The following CACNA1B variants were observed in gnomAD, a reference collection of about 807,000 sequenced individuals.
CACNA1B encodes voltage-dependent N-type calcium channel subunit alpha-1B.
A neutral mutation model predicts 247.2 loss-of-function variants in CACNA1B; 70 were observed. The observed-to-expected ratio is 0.28, with a 90% confidence interval of 0.23 to 0.35. The LOEUF (loss-of-function observed/expected upper bound fraction) is 0.35. Ranked by LOEUF, CACNA1B falls within the 10% of genes least tolerant of loss-of-function variation. The pLI, the probability that CACNA1B is intolerant of heterozygous loss-of-function variation, is 1.00. For missense variants in CACNA1B, 2,367 were observed against 3,197.4 expected (o/e 0.74, Z 6.26); for synonymous variants, 1,231 against 1,294.4 (o/e 0.95, Z 1.05).
At position 138,100,064 on chromosome 9, in the gene CACNA1B, A is replaced by G. The variant is rs940516457; in HGVS notation, c.5223-2647A>G. On this transcript the variant is annotated intron_variant, in intron 37 of 46. Transcript: ENST00000371372. This position sits in a 1 kb window ranked among gnomAD's most constrained non-coding sequence, Gnocchi z 4.6. ...GCTCAAGGCCAGGGCATTTCTGAGG[A>G]AGGAGAGGCCATGTCTGGCCTGAAG... is the stretch of plus-strand genomic sequence containing the variant. 5.9e-5 allele frequency among the ~76,000 whole-genome samples: 9 copies of G among 152,178 alleles called. No homozygotes were observed. The highest frequency in any genetic ancestry group is 1.3e-4 in the Non-Finnish European group (9 of 68,034).
chr9:138,089,666 A>C (rs533476848), intron 36 of CACNA1B, among the ~76,000 whole-genome samples: 1 of 152,336 alleles, frequency 6.6e-6, no homozygotes, highest in Non-Finnish European at 1.5e-5. Flanking sequence ...AAGAAAAAAA[A>C]TAAGCCGCAT....
chr9:138,060,521 C>T (rs1339204929), intron 31 of CACNA1B, among the ~76,000 whole-genome samples: 1 of 152,148 alleles, frequency 6.6e-6, no homozygotes, highest in Non-Finnish European at 1.5e-5. Flanking sequence ...CAGCGTAGGT[C>T]GCACCTCAGA....
At chr9:137,930,340 T>C (rs1957594946) in intron 6 of CACNA1B, among the ~76,000 whole-genome samples, 1 of 152,230 alleles carries the variant, frequency 6.6e-6, no homozygotes. Flanking sequence ...TGAAATTTCC[T>C]CTTTGACCTA....
At chr9:137,935,180 G>A (rs1399267404) in intron 6 of CACNA1B, among the ~76,000 whole-genome samples, 2 of 152,012 alleles carry the variant, frequency 1.3e-5, no homozygotes, top group Non-Finnish European at 2.9e-5. Context: ...GTATACCTGT[G>A]GCATGTTGGT....
At chr9:138,095,810 G>T (rs1364385291) in intron 36 of CACNA1B, among the ~76,000 whole-genome samples, 2 of 152,138 alleles carry the variant, frequency 1.3e-5, no homozygotes, top group African/African-American at 4.8e-5. Flanking sequence ...CTACAATATG[G>T]ATGAACCTTG....
At chr9:138,049,136 T>G in intron 23 of CACNA1B, 73 bp from the exon 24 acceptor site, 69 of 998,648 alleles carry the variant, frequency 6.9e-5, no homozygotes, top group Middle Eastern at 2.0e-4. Flanking sequence ...ATTACAGGCA[T>G]GAGCCTCTGC....
intron 31 of CACNA1B, among the ~76,000 whole-genome samples, chr9:138,068,292 G>A (rs10867102): frequency 0.12 from 17,658 of 152,140 alleles, 2,759 homozygotes; most frequent in African/African-American, 0.35. Flanking sequence ...TGATGGTGAT[G>A]TGCCGTTCGT....
At chr9:138,033,224 C>T (rs1052967281) in intron 20 of CACNA1B, among the ~76,000 whole-genome samples, 1 of 152,076 alleles carries the variant, frequency 6.6e-6, no homozygotes, top group Non-Finnish European at 1.5e-5. Context: ...CTGAAGTTTC[C>T]ATTTGGTTCG....
At chr9:137,997,991 G>A (rs945358645) in intron 15 of CACNA1B, among the ~76,000 whole-genome samples, 4 of 152,218 alleles carry the variant, frequency 2.6e-5, no homozygotes, top group African/African-American at 9.6e-5. Flanking sequence ...TACTATTTAA[G>A]GATGAACAAT....
At chr9:137,995,676 T>C (rs1001583934) in intron 15 of CACNA1B, among the ~76,000 whole-genome samples, 6 of 152,076 alleles carry the variant, frequency 3.9e-5, no homozygotes, top group African/African-American at 1.4e-4. Flanking sequence ...CAAAGATAAA[T>C]ATATGAGACT....
intron 12 of CACNA1B, among the ~76,000 whole-genome samples, chr9:137,982,658 A>G (rs1958307394): frequency 6.6e-6 from 1 of 152,212 alleles, no homozygotes; most frequent in Non-Finnish European, 1.5e-5. Context: ...TGGCAATGAG[A>G]AGAAAGTATA....
At chr9:137,988,067 T>C (rs1054969024) in intron 15 of CACNA1B, among the ~76,000 whole-genome samples, 1 of 152,224 alleles carries the variant, frequency 6.6e-6, no homozygotes, top group Admixed American at 6.5e-5. Context: ...CTTGAAAGCC[T>C]CGGCTGCTCA....
At chr9:138,117,305 AAGG>A (rs1255739339) in intron 42 of CACNA1B, among the ~76,000 whole-genome samples, 1 of 151,742 alleles carries the variant, frequency 6.6e-6, no homozygotes, top group Non-Finnish European at 1.5e-5. Context: ...TCAGAGAAGT[AAGG>A]AGGAGCCACC....
chr9:138,073,931 C>T lies in CACNA1B; in HGVS notation c.4792-70C>T. 7.8e-7 allele frequency: 1 copy of T among 1,275,206 alleles called. No individual in the cohort carries two copies. The highest frequency in any genetic ancestry group is 1.2e-5 in the South Asian group (1 of 84,426). The allele number at this position is 1,275,206 out of a possible 1,614,324, so 79.0% of individuals were successfully genotyped here. On this transcript the variant is annotated intron_variant, in intron 33 of 46. Coordinates refer to ENST00000371372, the MANE Select transcript of CACNA1B (RefSeq NM_000718.4). This position sits in a 1 kb window ranked among gnomAD's most constrained non-coding sequence, Gnocchi z 6.4. ...GGTCTGTGTGACCTCAAAGGCCCAG[C>T]CACCGTAGCAGGAGGCCTGGGCGTG...
At chr9:138,101,164 C>T (rs774675657) in intron 37 of CACNA1B, 2 of 533,094 alleles carry the variant, frequency 3.8e-6, no homozygotes, top group South Asian at 1.4e-5. Flanking sequence ...CACCCGTTGG[C>T]TTAGGGAAGA....
In CACNA1B at chr9:138,118,029, C is replaced by T; in HGVS notation, c.5861C>T (p.Pro1954Leu). The change falls in exon 43 of 47, where the codon CCC becomes CTC. Residue 1954 changes from proline (P) to leucine (L), a missense_variant. This residue lies in a region of CACNA1B where 773 missense variants were observed against 779.4 expected (regional missense o/e 0.99). Coordinates refer to ENST00000371372, the MANE Select transcript of CACNA1B (RefSeq NM_000718.4). ...TQDAPHEARP[P>L]LERGHSTEIP... ...GATGCACCCCATGAGGCCAGGCCAC[C>T]CCTGGAGCGTGGCCACTCCACAGAG... is the stretch of plus-strand genomic sequence containing the variant. 6.3e-7 allele frequency: 1 copy of T among 1,599,052 alleles called. No homozygotes were observed. The highest frequency in any genetic ancestry group is 8.5e-7 in the Non-Finnish European group (1 of 1,172,506).
At chr9:138,060,056 G>A (rs997216040) in intron 31 of CACNA1B, among the ~76,000 whole-genome samples, 4 of 152,164 alleles carry the variant, frequency 2.6e-5, no homozygotes, top group Non-Finnish European at 5.9e-5. Flanking sequence ...ATCTAACAAG[G>A]TGGTATCAAA....
chr9:138,001,729 G>A (rs942582968), intron 15 of CACNA1B, among the ~76,000 whole-genome samples: 1 of 151,970 alleles, frequency 6.6e-6, no homozygotes, highest in Admixed American at 6.5e-5. Flanking sequence ...TAGGATAAAT[G>A]TACAAAAATA....
In CACNA1B at chr9:137,882,371, C is replaced by T. The variant is rs913209514; in HGVS notation, c.391-373C>T. 3.9e-5 allele frequency among the ~76,000 whole-genome samples: 6 copies of T among 152,212 alleles called. No homozygotes were observed. The highest frequency in any genetic ancestry group is 3.9e-4 in the Admixed American group (6 of 15,282). ...ACCTGATAAGCACCCACAACTAGTA[C>T]TGTTACATCACTGTCTTCCCCGAAG... On this transcript the variant is annotated intron_variant, in intron 2 of 46. Transcript: ENST00000371372. The surrounding 1 kb of genome is among the most constrained non-coding windows in gnomAD (Gnocchi z 4.0).
Sources: allele counts gnomAD v4.1 joint callset (sites outside exome capture counted in the v4.1 genomes callset), GRCh38; gene constraint gnomAD v4.1.1; regional missense constraint gnomAD v4.1.1; non-coding constraint Gnocchi (gnomAD v3.1); transcripts MANE v1.5; gene names NCBI Gene and HGNC (gene_info 2026-07-23, HGNC 2026-07-21).